The following PAK2 variants were observed in gnomAD, a reference collection of about 807,000 sequenced individuals.
PAK2 encodes the protein serine/threonine-protein kinase PAK 2.
PAK2 carries 21 observed loss-of-function variants against 65.9 expected under a neutral mutation model. The ratio of observed to expected loss-of-function variants is 0.32; its 90% CI spans 0.23 to 0.46. The LOEUF (loss-of-function observed/expected upper bound fraction) is 0.46, where lower values mean the gene tolerates loss of function less well. PAK2 is among the 20% of genes least tolerant of loss of function. The probability of loss-of-function intolerance (pLI) is 1.00; values close to 1 mark genes in which losing one functional copy is unlikely to be tolerated. For synonymous variants in PAK2, 204 were observed against 219.7 expected (o/e 0.93, Z 0.63); for missense variants, 324 against 642.6 (o/e 0.50, Z 5.36).
chr3:196,790,180 A>AG (rs1715024077), intron 2 of PAK2, among the ~76,000 whole-genome samples: 1 of 152,180 alleles, frequency 6.6e-6, no homozygotes. Context: ...AAACAGATAA[A>AG]GGGTTTCTTT....
At chr3:196,792,798 G>GAA (rs58175165) in intron 2 of PAK2, among the ~76,000 whole-genome samples, 13,549 of 149,650 alleles carry the variant, frequency 0.091, 928 homozygotes, top group East Asian at 0.4. Context: ...TAAAATGACA[G>GAA]AAAAAAATAT....
chr3:196,819,714 T>C (rs1273754261), intron 12 of PAK2, among the ~76,000 whole-genome samples: 11 of 152,150 alleles, frequency 7.2e-5, no homozygotes, highest in African/African-American at 2.4e-5. Context: ...TAAATGAACA[T>C]TGAGTACTAC....
intron 8 of PAK2, among the ~76,000 whole-genome samples, chr3:196,811,667 T>C (rs1273990557): frequency 6.6e-6 from 1 of 151,984 alleles, no homozygotes; most frequent in Non-Finnish European, 1.5e-5. Flanking sequence ...TGGATGACCA[T>C]CACAAATCCA....
At chr3:196,767,635 A>C (rs1350413465) in intron 1 of PAK2, among the ~76,000 whole-genome samples, 1 of 151,628 alleles carries the variant, frequency 6.6e-6, no homozygotes, top group African/African-American at 2.4e-5. Context: ...ACTACAGGTG[A>C]CCGCCACCAC....
intron 12 of PAK2, 49 bp downstream of exon 12, chr3:196,818,205 T>G: frequency 1.3e-6 from 1 of 764,826 alleles, no homozygotes; most frequent in Non-Finnish European, 2.3e-6. Context: ...ATTTTCTGCC[T>G]TTTGTTTAAT....
At chr3:196,778,522 A>C (rs1714607017) in intron 1 of PAK2, among the ~76,000 whole-genome samples, 1 of 152,214 alleles carries the variant, frequency 6.6e-6, no homozygotes, top group African/African-American at 2.4e-5. Context: ...GATGAATTGC[A>C]CAGATAGTAG....
At chr3:196,817,041 A>G (rs544177190) in intron 11 of PAK2, among the ~76,000 whole-genome samples, 40 of 151,896 alleles carry the variant, frequency 2.6e-4, no homozygotes, top group African/African-American at 9.2e-4. Context: ...TGAGTATCTC[A>G]TGTTCAAATG....
At chr3:196,768,921 C>T (rs1279334779) in intron 1 of PAK2, among the ~76,000 whole-genome samples, 1 of 151,870 alleles carries the variant, frequency 6.6e-6, no homozygotes, top group Non-Finnish European at 1.5e-5. Flanking sequence ...CCGCGCCCAG[C>T]CCCCCAGAGT....
chr3:196,766,489 T>C (rs1220014173), intron 1 of PAK2, among the ~76,000 whole-genome samples: 1 of 152,182 alleles, frequency 6.6e-6, no homozygotes, highest in African/African-American at 2.4e-5. Flanking sequence ...TTCATTTAAT[T>C]GTAAATGCAA....
At position 196,748,212 on chromosome 3, in the gene PAK2, T is replaced by C. The variant is rs1713454910; in HGVS notation, c.-22+8055T>C. On this transcript the variant is annotated intron_variant, in intron 1 of 14. Coordinates refer to ENST00000327134, the MANE Select transcript of PAK2 (RefSeq NM_002577.4). ...TTTAGGTTCACAGCAAAACTGAGCC[T>C]AAGGTACAGAGTTCCCATATACCCC... Among the ~76,000 whole-genome samples the C allele has an allele frequency of 1.3e-5, 2 of 152,138 alleles. 1 individual carries two copies. The highest frequency in any genetic ancestry group is 4.1e-4 in the South Asian group (2 of 4,824).
chr3:196,770,267 A>G (rs528177704), intron 1 of PAK2, among the ~76,000 whole-genome samples: 4 of 150,874 alleles, frequency 2.7e-5, no homozygotes, highest in African/African-American at 7.5e-5. Context: ...CATTAAAAGT[A>G]TATATATACA....
chr3:196,808,300 C>A (rs1326889846), intron 7 of PAK2, among the ~76,000 whole-genome samples: 1 of 151,410 alleles, frequency 6.6e-6, no homozygotes, highest in African/African-American at 2.4e-5. Flanking sequence ...CGGTGGCTCA[C>A]GCCTGTAATC....
chr3:196,786,515 T>A (rs139707503), intron 2 of PAK2, among the ~76,000 whole-genome samples: 9 of 152,320 alleles, frequency 5.9e-5, no homozygotes, highest in African/African-American at 1.7e-4. Context: ...ATTTTTGTCT[T>A]ACTTGAGGTC....
At chr3:196,789,898 T>C (rs1312217045) in intron 2 of PAK2, among the ~76,000 whole-genome samples, 1 of 152,194 alleles carries the variant, frequency 6.6e-6, no homozygotes, top group African/African-American at 2.4e-5. Context: ...CAGTTCACAA[T>C]AGGGTTTGCG....
chr3:196,827,423 C>G (rs1261196572), intron 14 of PAK2, 90 bp downstream of exon 14: 1 of 1,531,164 alleles, frequency 6.5e-7, no homozygotes, highest in Non-Finnish European at 8.7e-7. Flanking sequence ...GTAGATTTCA[C>G]TACTCATTGA....
intron 1 of PAK2, among the ~76,000 whole-genome samples, chr3:196,763,102 C>T (rs1001140562): frequency 6.6e-6 from 1 of 152,134 alleles, no homozygotes; most frequent in Non-Finnish European, 1.5e-5. Context: ...ATTCCTTTTC[C>T]CAGAGCTGAG....
chr3:196,762,940 A>G (rs753545290), intron 1 of PAK2, among the ~76,000 whole-genome samples: 27 of 152,234 alleles, frequency 1.8e-4, no homozygotes, highest in Non-Finnish European at 3.1e-4. Flanking sequence ...ATGAAAAAAC[A>G]TAATTGACTG....
At chr3:196,773,159 G>A (rs1714414717) in intron 1 of PAK2, among the ~76,000 whole-genome samples, 1 of 152,178 alleles carries the variant, frequency 6.6e-6, no homozygotes. Flanking sequence ...GAAGAGTACA[G>A]TGTGTTTTGG....
chr3:196,748,921 C>T (rs1165574109), intron 1 of PAK2, among the ~76,000 whole-genome samples: 1 of 152,188 alleles, frequency 6.6e-6, no homozygotes, highest in African/African-American at 2.4e-5. Flanking sequence ...AACTGAAATT[C>T]TATACCCATT....
Sources: gnomAD v4.1 joint callset for allele counts (sites outside exome capture counted in the v4.1 genomes callset) on GRCh38, gnomAD v4.1.1 for gene constraint, MANE v1.5 for transcripts, NCBI Gene and HGNC (gene_info 2026-07-23, HGNC 2026-07-21) for gene names.